Variants in CDH26 observed in about 807,000 individuals in gnomAD.
CDH26 encodes cadherin 26.
Under a neutral mutation model 90.3 loss-of-function variants are expected in CDH26, and 83 were observed. That is an observed-to-expected ratio of 0.92 (90% CI 0.77 to 1.10). CDH26 has a LOEUF of 1.10. Among genes scored for constraint, CDH26 ranks in the 50% least tolerant of loss-of-function variants. The probability of loss-of-function intolerance (pLI) is 0.00; values close to 1 mark genes in which losing one functional copy is unlikely to be tolerated. For missense variants in CDH26, 1,013 were observed against 1,037.6 expected, an observed-to-expected ratio of 0.98 and a Z score of 0.33; for synonymous variants, 397 against 396.3, an observed-to-expected ratio of 1.00 and a Z score of -0.02.
intron 1 of CDH26, among the ~76,000 whole-genome samples, chr20:59,962,999 C>T (rs755596117): frequency 6.6e-6 from 1 of 152,090 alleles, no homozygotes; most frequent in Non-Finnish European, 1.5e-5. Flanking sequence ...TGCCTAGAGA[C>T]TTGAATAGGA....
intron 4 of CDH26, among the ~76,000 whole-genome samples, chr20:59,976,593 A>G (rs939531145): frequency 6.6e-6 from 1 of 152,204 alleles, no homozygotes; most frequent in Non-Finnish European, 1.5e-5. Context: ...TACATTATGG[A>G]GGAGAATGTA....
intron 7 of CDH26, among the ~76,000 whole-genome samples, chr20:59,985,456 C>T (rs984592307): frequency 2.0e-5 from 3 of 151,934 alleles, no homozygotes; most frequent in African/African-American, 4.8e-5. Flanking sequence ...GAATGAGGAA[C>T]GAGAGAGGTA....
At chr20:59,963,858 TAA>T (rs997396920) in intron 1 of CDH26, among the ~76,000 whole-genome samples, 1 of 139,936 alleles carries the variant, frequency 7.1e-6, no homozygotes, top group African/African-American at 2.6e-5. Context: ...CATCCAAAAA[TAA>T]AAAAAAAAAA....
chr20:60,029,728 A>C (rs1255045860), intron 7 of CDH26, among the ~76,000 whole-genome samples: 1 of 152,022 alleles, frequency 6.6e-6, no homozygotes, highest in African/African-American at 2.4e-5. Context: ...GAGTGAGAAC[A>C]TGTGGTGTTT....
rs763785040 is a variant in CDH26 at position 59,984,630 on chromosome 20, T to C, written c.542-9T>C. 2.5e-6 allele frequency: 4 copies of C among 1,602,026 alleles called. No homozygotes were observed. The Admixed American group carries it at 5.3e-5, about 21-fold the overall frequency. On this transcript the variant is annotated splice_polypyrimidine_tract_variant and intron_variant, in intron 5 of 17. Transcript: ENST00000348616. ...TCTGATAGTAACAATTTTTAAAAAT[T>C]CTTTCTAGGGCAACCTATTTTTCAG...
At chr20:59,969,061 A>G (rs376178265) in intron 2 of CDH26, 38 bp downstream of exon 2, 154 of 1,304,832 alleles carry the variant, frequency 1.2e-4, no homozygotes, top group Non-Finnish European at 1.6e-4. Context: ...ATATAAAATC[A>G]GTCTCTACAC....
intron 2 of CDH26, among the ~76,000 whole-genome samples, chr20:59,969,483 AT>A (rs1471829449): frequency 6.6e-6 from 1 of 152,230 alleles, no homozygotes; most frequent in Non-Finnish European, 1.5e-5. Flanking sequence ...GATAAAATTA[AT>A]GTGGCTAGAA....
chr20:60,010,490 C>T (rs1187358448), intron 17 of CDH26, among the ~76,000 whole-genome samples: 2 of 152,086 alleles, frequency 1.3e-5, no homozygotes, highest in African/African-American at 2.4e-5. Context: ...AGGCTAAAGT[C>T]CCTCTCCCCT....
intron 7 of CDH26, among the ~76,000 whole-genome samples, chr20:60,024,447 T>C (rs138440614): frequency 6.8e-4 from 103 of 152,372 alleles, no homozygotes; most frequent in Non-Finnish European, 1.1e-3. Context: ...GTGATAGTTT[T>C]AGTCACAGCT....
intron 8 of CDH26, among the ~76,000 whole-genome samples, chr20:60,033,001 TAAA>T (rs138384369): frequency 1.4e-5 from 2 of 147,240 alleles, no homozygotes; most frequent in Admixed American, 6.8e-5. Flanking sequence ...AGTATAATAA[TAAA>T]AAAAAAAGAA....
intron 17 of CDH26, among the ~76,000 whole-genome samples, chr20:60,011,983 C>A: frequency 6.6e-6 from 1 of 151,880 alleles, no homozygotes; most frequent in East Asian, 1.9e-4. Flanking sequence ...GACTGGAGGG[C>A]AGTGGTTTGA....
chr20:59,972,709 T>C (rs1345680914), intron 4 of CDH26, among the ~76,000 whole-genome samples: 3 of 152,190 alleles, frequency 2.0e-5, no homozygotes, highest in African/African-American at 4.8e-5. Flanking sequence ...CCTTAGGTAG[T>C]CAAACTTTGT....
chr20:59,968,966 G>T lies in CDH26; in HGVS notation c.70-1G>T. 2 of 1,524,528 alleles carry T rather than the reference G, an allele frequency of 1.3e-6. No individual in the cohort carries two copies. The highest frequency in any genetic ancestry group is 1.8e-6 in the Non-Finnish European group (2 of 1,103,180). 94.4% of individuals were successfully genotyped at this position (1,524,528 alleles called of 1,614,324 possible). ...TAATTAATATTATTTTTATTTTTAA[G>T]GTCAGTATCATTGACAGTGTTCAAC... On this transcript the variant is annotated splice_acceptor_variant, in intron 1 of 17. Coordinates refer to ENST00000348616, the MANE Select transcript of CDH26 (RefSeq NM_177980.4). LOFTEE classifies it high-confidence loss of function.
intron 12 of CDH26, chr20:59,996,325 A>T (rs375077542): frequency 7.0e-7 from 1 of 1,420,054 alleles, no homozygotes. Flanking sequence ...TGTAATAACC[A>T]TGGAGACAGC....
At chr20:60,011,922 A>G (rs1405691076) in intron 17 of CDH26, among the ~76,000 whole-genome samples, 2 of 152,236 alleles carry the variant, frequency 1.3e-5, no homozygotes, top group African/African-American at 2.4e-5. Context: ...TGACGGGGAC[A>G]TCACCATTGG....
At chr20:59,964,012 A>G (rs1458804880) in intron 1 of CDH26, among the ~76,000 whole-genome samples, 1 of 152,184 alleles carries the variant, frequency 6.6e-6, no homozygotes, top group African/African-American at 2.4e-5. Context: ...CTCCTTTCCT[A>G]TGGCTAGTCA....
At chr20:59,973,729 C>CT (rs1447625940) in intron 4 of CDH26, among the ~76,000 whole-genome samples, 3 of 152,172 alleles carry the variant, frequency 2.0e-5, no homozygotes, top group Non-Finnish European at 4.4e-5. Context: ...TAATCCCATT[C>CT]TTTTTTATGG....
At chr20:60,007,448 G>A (rs1416707440) in intron 17 of CDH26, among the ~76,000 whole-genome samples, 1 of 152,166 alleles carries the variant, frequency 6.6e-6, no homozygotes, top group Non-Finnish European at 1.5e-5. Context: ...TCCTTGCAAG[G>A]CAGGGCTAAC....
At chr20:59,971,002 C>T (rs2061254715) in intron 3 of CDH26, among the ~76,000 whole-genome samples, 1 of 152,032 alleles carries the variant, frequency 6.6e-6, no homozygotes. Flanking sequence ...CTATTGCCTC[C>T]CTCATGCTGA....
Sources: allele counts gnomAD v4.1 joint callset (sites outside exome capture counted in the v4.1 genomes callset), GRCh38; gene constraint gnomAD v4.1.1; transcripts MANE v1.5; gene names NCBI Gene and HGNC (gene_info 2026-07-23, HGNC 2026-07-21).